Variants in MRTFA observed in about 807,000 individuals in gnomAD.
MRTFA encodes the protein myocardin-related transcription factor A.
Under a neutral mutation model 83.5 loss-of-function variants are expected in MRTFA, and 20 were observed. The observed-to-expected ratio is 0.24, with a 90% confidence interval of 0.17 to 0.35. MRTFA has a LOEUF of 0.35. Ranked by LOEUF, MRTFA falls within the 10% of genes least tolerant of loss-of-function variation. The probability of loss-of-function intolerance (pLI) is 1.00; values close to 1 mark genes in which losing one functional copy is unlikely to be tolerated. For synonymous variants in MRTFA, 659 were observed against 541.2 expected (o/e 1.22, Z -3.02); for missense variants, 1,200 against 1,224.7 (o/e 0.98, Z 0.30).
At chr22:40,618,589 G>C (rs1244168186) in intron 1 of MRTFA, among the ~76,000 whole-genome samples, 2 of 152,116 alleles carry the variant, frequency 1.3e-5, no homozygotes, top group East Asian at 3.8e-4. Flanking sequence ...GGCAGATCTT[G>C]AAACAGACTT....
rs921496252 is a variant in MRTFA, at chr22:40,500,238, AT to A, written c.242-36953del. Among the ~76,000 whole-genome samples, 496 of 140,950 alleles carry A rather than the reference AT, an allele frequency of 3.5e-3. 1 individual carries two copies. The highest frequency in any genetic ancestry group is 0.011 in the Middle Eastern group (3 of 270). 92.5% of individuals were successfully genotyped at this position (140,950 alleles called of 152,430 possible). ...GCCACCGCGCCCGGCCCAGTCTATG[AT>A]TTTTTTTTTTTTATGCTTCATTAAA... On this transcript the variant is annotated intron_variant, in intron 3 of 14. Coordinates refer to ENST00000355630, the MANE Select transcript of MRTFA (RefSeq NM_020831.6).
intron 4 of MRTFA, among the ~76,000 whole-genome samples, chr22:40,452,353 T>C (rs1406344686): frequency 3.3e-5 from 5 of 152,190 alleles, no homozygotes; most frequent in Admixed American, 6.5e-5. Flanking sequence ...GATTAAGATG[T>C]GTATTGTTCA....
chr22:40,464,157 C>T (rs2053769417), intron 3 of MRTFA, among the ~76,000 whole-genome samples: 2 of 151,106 alleles, frequency 1.3e-5, no homozygotes, highest in Non-Finnish European at 3.0e-5. Flanking sequence ...AAAAATTAGT[C>T]GGGTGTGGTG....
chr22:40,565,478 T>TA (rs2055689272), intron 2 of MRTFA, among the ~76,000 whole-genome samples: 1 of 152,080 alleles, frequency 6.6e-6, no homozygotes, highest in Non-Finnish European at 1.5e-5. Flanking sequence ...GCCCAGGAGG[T>TA]AGAGACTGCA....
At position 40,417,471 on chromosome 22, in the gene MRTFA, G is replaced by A; in HGVS notation, c.2387C>T (p.Pro796Leu). The A allele has an allele frequency of 1.3e-6, 2 of 1,591,168 alleles. No individual in the cohort carries two copies. The highest frequency in any genetic ancestry group is 2.3e-5 in the East Asian group (1 of 44,348). Residue 796 changes from proline (P) to leucine (L), a missense_variant, in exon 13 of 15, where the codon CCA becomes CTA. Physicochemically the swap from Pro to Leu is moderately conservative, Grantham distance 98. Coordinates refer to ENST00000355630, the MANE Select transcript of MRTFA (RefSeq NM_020831.6). ...CATCTGGGCAGAGGGGGCAGGCGCT[G>A]GAGAGCCAGGCTGGGACGAGGGCTG...
chr22:40,612,441 T>C (rs981775424), intron 1 of MRTFA, among the ~76,000 whole-genome samples: 4 of 152,230 alleles, frequency 2.6e-5, no homozygotes, highest in African/African-American at 9.6e-5. Flanking sequence ...TGTGGCAGTG[T>C]AGATTAGCTG....
At chr22:40,610,745 A>G (rs895344607) in intron 1 of MRTFA, among the ~76,000 whole-genome samples, 2 of 152,158 alleles carry the variant, frequency 1.3e-5, no homozygotes, top group African/African-American at 4.8e-5. Flanking sequence ...AAGAAAATAT[A>G]TCAATTAGGC....
At chr22:40,441,633 A>C (rs2053276266) in intron 4 of MRTFA, among the ~76,000 whole-genome samples, 1 of 152,042 alleles carries the variant, frequency 6.6e-6, no homozygotes, top group Non-Finnish European at 1.5e-5. Flanking sequence ...CTAAAAATAC[A>C]AAAATTAGCT....
rs763913389 is a variant in MRTFA, at chr22:40,418,523, G to A, written c.2215C>T (p.Gln739Ter). Residue 739 changes from glutamine to a stop codon, truncating the protein, a stop_gained, in exon 12 of 15, where the codon CAG becomes TAG. Transcript: ENST00000355630. LOFTEE classifies it high-confidence loss of function. ...GGGCCCTGAGGCCCCAGAAGCAACTGGGGGGCGGGGACCGGCTCGGGCTCA... is the reference window on the plus strand; with the variant it reads ...GGGCCCTGAGGCCCCAGAAGCAACTAGGGGGCGGGGACCGGCTCGGGCTCA... 6.3e-7 allele frequency: 1 copy of A among 1,589,910 alleles called. No individual in the cohort carries two copies. The highest frequency in any genetic ancestry group is 8.5e-7 in the Non-Finnish European group (1 of 1,172,300).
At chr22:40,557,860 A>AC (rs1438446287) in intron 2 of MRTFA, among the ~76,000 whole-genome samples, 2 of 151,826 alleles carry the variant, frequency 1.3e-5, no homozygotes, top group African/African-American at 4.8e-5. Flanking sequence ...TGCAACCTCC[A>AC]CCTCCCGGCC....
At chr22:40,552,652 T>C (rs2055459344) in intron 2 of MRTFA, among the ~76,000 whole-genome samples, 1 of 152,214 alleles carries the variant, frequency 6.6e-6, no homozygotes. Flanking sequence ...CCTTCCACCA[T>C]GATTGTAAGT....
Position 40,492,152 on chromosome 22 carries a change from G to T in MRTFA, c.242-28866C>A, listed in dbSNP as rs77440687. 5.0e-3 allele frequency among the ~76,000 whole-genome samples: 759 copies of T among 152,242 alleles called. 4 individuals are homozygous for T. Among genetic ancestry groups the T allele is most frequent in the Middle Eastern group, 0.024 (7 of 294 alleles). ...GAGATTCGAGTCTCCACAGGCCAATGCTGCAATAAACCACTCTTCCTTCCC... is the reference window on the plus strand; with the variant it reads ...GAGATTCGAGTCTCCACAGGCCAATTCTGCAATAAACCACTCTTCCTTCCC... On this transcript the variant is annotated intron_variant, in intron 3 of 14. Transcript: ENST00000355630.
chr22:40,595,356 C>T (rs894773684), intron 1 of MRTFA, among the ~76,000 whole-genome samples: 7 of 151,796 alleles, frequency 4.6e-5, no homozygotes, highest in African/African-American at 1.2e-4. Context: ...CTCCTGACCT[C>T]GTGATCCACC....
intron 1 of MRTFA, among the ~76,000 whole-genome samples, chr22:40,607,974 T>G (rs1234830226): frequency 6.6e-6 from 1 of 152,180 alleles, no homozygotes; most frequent in Non-Finnish European, 1.5e-5. Context: ...GTTAATACAG[T>G]AACAACTGTA....
At chr22:40,562,002 G>A (rs376041301) in intron 2 of MRTFA, among the ~76,000 whole-genome samples, 21 of 152,074 alleles carry the variant, frequency 1.4e-4, no homozygotes, top group African/African-American at 5.1e-4. Context: ...GGATCACGAG[G>A]TCAGGAGCTC....
At chr22:40,516,038 T>G (rs2054752256) in intron 3 of MRTFA, among the ~76,000 whole-genome samples, 1 of 152,212 alleles carries the variant, frequency 6.6e-6, no homozygotes, top group Non-Finnish European at 1.5e-5. Flanking sequence ...AAAGCCTACA[T>G]GCAAGAGGAT....
intron 3 of MRTFA, among the ~76,000 whole-genome samples, chr22:40,508,122 T>G (rs1031447611): frequency 6.6e-6 from 1 of 152,086 alleles, no homozygotes; most frequent in Non-Finnish European, 1.5e-5. Flanking sequence ...GACAATTAGA[T>G]TCGTCCCCAA....
chr22:40,519,316 A>C, intron 3 of MRTFA: 20 of 806,296 alleles, frequency 2.5e-5, no homozygotes, highest in African/African-American at 5.4e-5. Flanking sequence ...GGCCACCTAT[A>C]GAGATGGTCC....
intron 1 of MRTFA, among the ~76,000 whole-genome samples, chr22:40,600,232 T>C (rs1319834857): frequency 6.6e-6 from 1 of 152,088 alleles, no homozygotes; most frequent in Non-Finnish European, 1.5e-5. Context: ...CTAGGCCCCC[T>C]GAAACAAGTA....
Sources: allele counts gnomAD v4.1 joint callset (sites outside exome capture counted in the v4.1 genomes callset), GRCh38; gene constraint gnomAD v4.1.1; transcripts MANE v1.5; gene names NCBI Gene and HGNC (gene_info 2026-07-23, HGNC 2026-07-21).